The following S100A13 variants were observed in gnomAD, a reference collection of about 807,000 sequenced individuals.
The protein encoded by S100A13 is S100 calcium binding protein A13.
S100A13 carries 6 observed loss-of-function variants against 8.2 expected under a neutral mutation model. The ratio of observed to expected loss-of-function variants is 0.73; its 90% CI spans 0.40 to 1.44. The LOEUF is 1.44. S100A13 is among the 40% of genes most tolerant of loss of function. The pLI is 0.02. For synonymous variants in S100A13, 39 were observed against 45.9 expected (o/e 0.85, Z 0.61); for missense variants, 114 against 113.6 (o/e 1.00, Z -0.02).
At chr1:153,622,500 A>T (rs1471723914) in intron 2 of S100A13, among the ~76,000 whole-genome samples, 1 of 152,254 alleles carries the variant, frequency 6.6e-6, no homozygotes, top group Non-Finnish European at 1.5e-5. Flanking sequence ...AGAAATGGAC[A>T]TAAGAAAAAT....
chr1:153,631,226 T>C (rs971922134), upstream of S100A13: 3 of 515,218 alleles, frequency 5.8e-6, no homozygotes, highest in African/African-American at 1.9e-5. Context: ...GGCCCCAAAG[T>C]AAAGAAGCCT....
At chr1:153,626,275 C>G (rs540837288) in intron 2 of S100A13, 45 bp downstream of exon 2, 1 of 1,583,284 alleles carries the variant, frequency 6.3e-7, no homozygotes, top group African/African-American at 1.3e-5. Context: ...CACAGTGTCC[C>G]ATAATCATCA....
At chr1:153,631,446 T>C (rs1013446969), upstream of S100A13, 36 of 1,560,888 alleles carry the variant, frequency 2.3e-5, no homozygotes, top group African/African-American at 4.5e-4. Context: ...GCTCCTAGTG[T>C]AGTGCTTGCT....
In S100A13 at chr1:153,618,888, G is replaced by C. The variant is rs539450696; in HGVS notation, c.*7C>G. 18 of 1,613,904 alleles carry C rather than the reference G, an allele frequency of 1.1e-5. 1 individual carries two copies. Among genetic ancestry groups the C allele is most frequent in the African/African-American group, 9.3e-5 (7 of 75,032 alleles). ...TGCCCTGCCCACCCCATCTCAGCCAGGCGGCTTTACTTCTTCCTGATCTTC... is the reference window on the plus strand; with the variant it reads ...TGCCCTGCCCACCCCATCTCAGCCACGCGGCTTTACTTCTTCCTGATCTTC... On this transcript the variant is annotated 3_prime_UTR_variant, in exon 3 of 3. Coordinates refer to ENST00000476133, the MANE Select transcript of S100A13 (RefSeq NM_001024211.2).
At chr1:153,628,484 G>A (rs1420895621), upstream of S100A13, 32 of 1,550,584 alleles carry the variant, frequency 2.1e-5, no homozygotes, top group Non-Finnish European at 2.7e-5. Context: ...CCCACCTCAG[G>A]CCCAGGCCAA....
chr1:153,619,117 C>A, intron 2 of S100A13, 79 bp from the exon 3 acceptor site: 1 of 1,329,244 alleles, frequency 7.5e-7, no homozygotes, highest in Non-Finnish European at 1.1e-6. Context: ...CTGTCAGCTG[C>A]TATTCTCTCA....
chr1:153,630,342 G>A (rs1381909371), upstream of S100A13: 1 of 828,904 alleles, frequency 1.2e-6, no homozygotes, highest in African/African-American at 1.7e-5. Flanking sequence ...GGTCTCTTGG[G>A]GTTTCCCTCA....
At chr1:153,630,653 C>T, upstream of S100A13, 1 of 1,614,178 alleles carries the variant, frequency 6.2e-7, no homozygotes, top group South Asian at 1.1e-5. Context: ...AGCTCTCTGG[C>T]TTCCTGGATG....
At chr1:153,622,119 C>T (rs944886732) in intron 2 of S100A13, among the ~76,000 whole-genome samples, 10 of 147,394 alleles carry the variant, frequency 6.8e-5, no homozygotes, top group African/African-American at 2.3e-4. Context: ...CCTGTAATCC[C>T]AGCACTTTGG....
At chr1:153,628,295 C>A, upstream of S100A13, 1 of 1,513,470 alleles carries the variant, frequency 6.6e-7, no homozygotes. Flanking sequence ...CCGCCTGTTC[C>A]AGCCCAGGAG....
At chr1:153,630,611 C>T, upstream of S100A13, 1 of 1,614,252 alleles carries the variant, frequency 6.2e-7, no homozygotes, top group Non-Finnish European at 8.5e-7. Flanking sequence ...ACAAGCTGAG[C>T]AAGAAGGAGC....
At chr1:153,619,113 G>T in intron 2 of S100A13, 75 bp from the exon 3 acceptor site, 1 of 1,353,514 alleles carries the variant, frequency 7.4e-7, no homozygotes, top group Non-Finnish European at 1.0e-6. Context: ...AGAACTGTCA[G>T]CTGCTATTCT....
upstream of S100A13, chr1:153,630,652 G>A (rs1362710905): frequency 6.2e-7 from 1 of 1,614,188 alleles, no homozygotes; most frequent in Non-Finnish European, 8.5e-7. Context: ...GAGCTCTCTG[G>A]CTTCCTGGAT....
chr1:153,622,593 C>G (rs1366233143), intron 2 of S100A13, among the ~76,000 whole-genome samples: 1 of 152,244 alleles, frequency 6.6e-6, no homozygotes. Flanking sequence ...AGGAGGATCA[C>G]TTAAGCCTAG....
At chr1:153,623,512 A>G (rs889427617) in intron 2 of S100A13, among the ~76,000 whole-genome samples, 16 of 152,008 alleles carry the variant, frequency 1.1e-4, no homozygotes, top group Non-Finnish European at 2.9e-5. Flanking sequence ...CAGCCTCCCA[A>G]GTAGCTGGGA....
At chr1:153,628,253 C>A (rs1667792363), upstream of S100A13, 6 of 1,533,970 alleles carry the variant, frequency 3.9e-6, no homozygotes, top group Non-Finnish European at 5.3e-6. Flanking sequence ...GAGAAAGGAA[C>A]GGGGCAAGCA....
chr1:153,628,830 G>A (rs2101624223), upstream of S100A13: 1 of 350,888 alleles, frequency 2.8e-6, no homozygotes, highest in African/African-American at 2.0e-5. Flanking sequence ...CAGGTGTTGG[G>A]AAGGGTCCCA....
At chr1:153,633,579 G>A (rs1351393734), upstream of S100A13, among the ~76,000 whole-genome samples, 2 of 152,144 alleles carry the variant, frequency 1.3e-5, no homozygotes, top group African/African-American at 4.8e-5. Context: ...GATGGGAGAG[G>A]AATTTGCTCC....
chr1:153,632,197 G>A (rs1038871997), upstream of S100A13: 2 of 190,468 alleles, frequency 1.1e-5, no homozygotes, highest in Non-Finnish European at 2.1e-5. Flanking sequence ...AAATGTGGGG[G>A]TTCAAGGTTC....
Sources: allele counts gnomAD v4.1 joint callset (sites outside exome capture counted in the v4.1 genomes callset), GRCh38; gene constraint gnomAD v4.1.1; transcripts MANE v1.5; gene names NCBI Gene and HGNC (gene_info 2026-07-23, HGNC 2026-07-21).